FANCA: variants seen among roughly 807,000 people sequenced by gnomAD.
FANCA encodes the protein Fanconi anemia group A protein.
FANCA carries 236 observed loss-of-function variants against 194.3 expected under a neutral mutation model. The ratio of observed to expected loss-of-function variants is 1.21; its 90% CI spans 1.09 to 1.35. FANCA has a LOEUF of 1.35. Ranked by LOEUF, FANCA falls within the 40% of genes most tolerant of loss-of-function variation. The pLI, the probability that FANCA is intolerant of heterozygous loss-of-function variation, is 0.00. For missense variants in FANCA, 2,628 were observed against 1,813.9 expected (o/e 1.45, Z -8.15); for synonymous variants, 1,014 against 715.8 (o/e 1.42, Z -6.65).
At position 89,746,601 on chromosome 16, in the gene FANCA, T is replaced by C. The variant is rs1567601223; in HGVS notation, c.3496A>G (p.Ile1166Val). 1 of 1,613,980 alleles carries C rather than the reference T, an allele frequency of 6.2e-7. No homozygotes were observed. The highest frequency in any genetic ancestry group is 8.5e-7 in the Non-Finnish European group (1 of 1,179,946). ...TGACCCACCAGAGCAGAGGTCAAAA[T>C]TAAGGGGCATTTCGTCTGGCACTTG... ...LAKCQTKCPL[I>V]LTSALVWWPS... The change falls in exon 35 of 43, where the codon ATT becomes GTT. Residue 1166 changes from isoleucine to valine, a missense_variant. Transcript: ENST00000389301.
At chr16:89,740,561 A>G (rs893759828) in intron 38 of FANCA, 5 of 539,096 alleles carry the variant, frequency 9.3e-6, no homozygotes, top group Non-Finnish European at 1.7e-5. Context: ...GCTTGAACCC[A>G]GGAGGCTGAG....
intron 13 of FANCA, 181 bp downstream of exon 13, chr16:89,791,746 C>A (rs760885369): frequency 2.1e-6 from 2 of 971,438 alleles, no homozygotes; most frequent in Non-Finnish European, 3.1e-6. Context: ...CCTCTCAGAG[C>A]AGCAGTCAGT....
intron 23 of FANCA, among the ~76,000 whole-genome samples, chr16:89,771,223 C>G (rs2039315123): frequency 6.6e-6 from 1 of 150,602 alleles, no homozygotes. Context: ...CTTTGGGAGG[C>G]TGAGGCAGAC....
rs2040524550 is a variant in FANCA, at chr16:89,803,359, CAA to C, written c.710-20_710-19del. On this transcript the variant is annotated intron_variant, in intron 7 of 42. Transcript: ENST00000389301. ...AACAAAATCTGAAAAACCATAAAAC[CAA>C]AGTTATTTATGGACATCATGGTCTC... 2.5e-6 allele frequency: 4 copies of C among 1,605,970 alleles called. No individual in the cohort carries two copies. The African/African-American group carries it at 4.0e-5, about 16-fold the overall frequency.
At chr16:89,798,799 G>A in intron 10 of FANCA, 1 of 1,433,494 alleles carries the variant, frequency 7.0e-7, no homozygotes, top group Non-Finnish European at 9.1e-7. Context: ...AGAAATGTGG[G>A]GGGCTGAGAG....
intron 38 of FANCA, 44 bp downstream of exon 38, chr16:89,740,760 C>T: frequency 6.3e-7 from 1 of 1,575,840 alleles, no homozygotes; most frequent in Non-Finnish European, 8.7e-7. Flanking sequence ...CCCTGCCTGG[C>T]CCACAGTGGG....
chr16:89,785,924 G>C (rs1002074802), intron 14 of FANCA, among the ~76,000 whole-genome samples: 1 of 137,046 alleles, frequency 7.3e-6, no homozygotes, highest in Non-Finnish European at 1.5e-5. Flanking sequence ...GTGCCATCTT[G>C]GCTCACTGCA....
rs138337622 is a variant in FANCA, at chr16:89,746,425, A to G, written c.3513+159T>C. ...TCAGGATGTGCGGCCCTCATCTGCT[A>G]TGAGCTGGCATCTTTAACTGTGGCT... On this transcript the variant is annotated intron_variant, in intron 35 of 42. Transcript: ENST00000389301. Among the ~76,000 whole-genome samples the G allele has an allele frequency of 2.7e-3, 403 of 150,720 alleles. 1 individual carries two copies. The highest frequency in any genetic ancestry group is 9.6e-3 in the African/African-American group (388 of 40,546).
chr16:89,755,823 C>A (rs1056682951), intron 30 of FANCA, among the ~76,000 whole-genome samples: 2 of 152,116 alleles, frequency 1.3e-5, no homozygotes, highest in Non-Finnish European at 2.9e-5. Context: ...CAGACACAGA[C>A]CAGAGCCCCC....
chr16:89,769,894 G>T lies in FANCA; in HGVS notation c.2447C>A (p.Ala816Glu), dbSNP rs756082739. 1.2e-6 allele frequency: 2 copies of T among 1,614,086 alleles called. No homozygotes were observed. Among genetic ancestry groups the T allele is most frequent in the Non-Finnish European group, 1.7e-6 (2 of 1,180,012 alleles). ...PAPGAGLPVP[A>E]LFDSLLTCRT... ...ACAGGTCAGGAGGCTGTCAAAGAGCGCAGGGACAGGAAGGCCAGCACCAGG... is the reference window on the plus strand; with the variant it reads ...ACAGGTCAGGAGGCTGTCAAAGAGCTCAGGGACAGGAAGGCCAGCACCAGG... The change falls in exon 26 of 43, where the codon GCG (alanine) becomes GAG (glutamate). Residue 816 changes from alanine (A) to glutamate (E), a missense_variant. Coordinates refer to ENST00000389301, the MANE Select transcript of FANCA (RefSeq NM_000135.4).
chr16:89,786,639 TATC>T (rs568590065), intron 14 of FANCA, among the ~76,000 whole-genome samples: 117 of 151,580 alleles, frequency 7.7e-4, no homozygotes, highest in Non-Finnish European at 1.6e-3. Context: ...TTTTGAATGT[TATC>T]ATCATGCAGA....
intron 20 of FANCA, 115 bp from the exon 21 acceptor site, chr16:89,775,930 T>G (rs1355437994): frequency 9.7e-6 from 6 of 616,346 alleles, no homozygotes; most frequent in East Asian, 3.6e-5. Context: ...AAATTATAAA[T>G]ACTGTGTACA....
chr16:89,793,467 G>C (rs1356334895), intron 11 of FANCA, among the ~76,000 whole-genome samples: 1 of 152,284 alleles, frequency 6.6e-6, no homozygotes, highest in Non-Finnish European at 1.5e-5. Context: ...ACCAACTAAT[G>C]ATTAATGATA....
chr16:89,747,596 G>A (rs2038434793), intron 33 of FANCA, among the ~76,000 whole-genome samples: 2 of 152,172 alleles, frequency 1.3e-5, no homozygotes, highest in Non-Finnish European at 2.9e-5. Context: ...CTACTCAGGA[G>A]GCTGAGGCAG....
At chr16:89,807,497 C>A (rs1410143794) in intron 6 of FANCA, among the ~76,000 whole-genome samples, 1 of 151,726 alleles carries the variant, frequency 6.6e-6, no homozygotes, top group Non-Finnish European at 1.5e-5. Flanking sequence ...TGCCTGTAAT[C>A]CCAGCACTTT....
In FANCA at chr16:89,791,493, C is replaced by G. The variant is rs762502095; in HGVS notation, c.1269G>C (p.Gln423His). The G allele has an allele frequency of 5.6e-6, 9 of 1,614,064 alleles. No homozygotes were observed. The highest frequency in any genetic ancestry group is 7.6e-6 in the Non-Finnish European group (9 of 1,180,032). ...GGAACGCAGTGACCATGCTGTCCAG[C>G]TGGCAGCTCTCGAATGCCTGGGCCA... ...RLMAQAFESC[Q>H]LDSMVTAFLV... The change falls in exon 14 of 43, where the codon CAG becomes CAC. Residue 423 changes from glutamine to histidine, a missense_variant. Physicochemically the swap from Gln to His is conservative, Grantham distance 24 (BLOSUM62 0). Coordinates refer to ENST00000389301, the MANE Select transcript of FANCA (RefSeq NM_000135.4).
chr16:89,783,207 A>T, intron 15 of FANCA, 105 bp from the exon 16 acceptor site: 1 of 806,680 alleles, frequency 1.2e-6, no homozygotes, highest in Non-Finnish European at 2.2e-6. Flanking sequence ...GTAGAGAAAC[A>T]CAGCCCTTTA....
chr16:89,805,512 A>G (rs2143633693), intron 6 of FANCA, 120 bp from the exon 7 acceptor site: 1 of 713,558 alleles, frequency 1.4e-6, no homozygotes, highest in South Asian at 1.5e-5. Context: ...CTGAGGCTGG[A>G]GTGCAGTGGC....
chr16:89,765,647 G>A (rs576775726), intron 27 of FANCA, among the ~76,000 whole-genome samples: 2 of 152,364 alleles, frequency 1.3e-5, no homozygotes, highest in African/African-American at 2.4e-5. Flanking sequence ...AACTGGACAA[G>A]CCAGACACAC....
Sources: allele counts gnomAD v4.1 joint callset (sites outside exome capture counted in the v4.1 genomes callset), GRCh38; gene constraint gnomAD v4.1.1; transcripts MANE v1.5; gene names NCBI Gene and HGNC (gene_info 2026-07-23, HGNC 2026-07-21).